The following VWA3B variants were observed in gnomAD, a reference collection of about 807,000 sequenced individuals.
VWA3B encodes von Willebrand factor A domain containing 3B.
Under a neutral mutation model 158.3 loss-of-function variants are expected in VWA3B, and 138 were observed. The observed-to-expected ratio is 0.87, with a 90% CI of 0.76 to 1.00. The LOEUF is 1.00. VWA3B is among the 50% of genes least tolerant of loss of function. VWA3B has a pLI of 0.00. For synonymous variants in VWA3B, 596 were observed against 587.3 expected, an observed-to-expected ratio of 1.01 and a Z score of -0.21; for missense variants, 1,555 against 1,565.1, an observed-to-expected ratio of 0.99 and a Z score of 0.11.
intron 10 of VWA3B, among the ~76,000 whole-genome samples, chr2:98,190,684 T>C (rs549612365): frequency 6.6e-6 from 1 of 152,344 alleles, no homozygotes; most frequent in Admixed American, 6.5e-5. Context: ...TCCTTCTCCA[T>C]TGTCTCCTGG....
At chr2:98,328,317 C>T in the VWA3B span, among the ~76,000 whole-genome samples, 2 of 152,162 alleles carry the variant, frequency 1.3e-5, no homozygotes, top group Admixed American at 6.5e-5. Flanking sequence ...ACTGTGACCA[C>T]TTCTGTTAAA....
At chr2:98,241,817 C>T (rs1686092117) in intron 19 of VWA3B, among the ~76,000 whole-genome samples, 1 of 152,046 alleles carries the variant, frequency 6.6e-6, no homozygotes, top group Non-Finnish European at 1.5e-5. Flanking sequence ...AGCACACTTG[C>T]CCTCCCTTAT....
At chr2:98,276,536 A>G (rs1255404498) in intron 22 of VWA3B, among the ~76,000 whole-genome samples, 5 of 152,248 alleles carry the variant, frequency 3.3e-5, no homozygotes, top group Non-Finnish European at 5.9e-5. Flanking sequence ...CTGACTGATA[A>G]CAAGCAGCAA....
At chr2:98,166,512 C>T (rs771807029) in intron 8 of VWA3B, among the ~76,000 whole-genome samples, 5 of 152,080 alleles carry the variant, frequency 3.3e-5, no homozygotes, top group Admixed American at 6.6e-5. Context: ...AGAAGGTGGC[C>T]GTCTCCTAGC....
chr2:98,228,693 G>A (rs917437083), intron 15 of VWA3B, among the ~76,000 whole-genome samples: 1 of 152,106 alleles, frequency 6.6e-6, no homozygotes, highest in African/African-American at 2.4e-5. Flanking sequence ...GGCGAGGCCC[G>A]AACTTCTCTC....
chr2:98,201,845 G>C (rs1322844524), intron 12 of VWA3B, among the ~76,000 whole-genome samples: 1 of 152,096 alleles, frequency 6.6e-6, no homozygotes, highest in African/African-American at 2.4e-5. Flanking sequence ...TATTAAATTG[G>C]CTTTGCATTC....
At chr2:98,139,910 C>T (rs1199815085) in intron 7 of VWA3B, among the ~76,000 whole-genome samples, 25 of 152,188 alleles carry the variant, frequency 1.6e-4, no homozygotes, top group South Asian at 2.1e-4. Context: ...CTACTGCTCA[C>T]TCTTTGGGTC....
chr2:98,314,201 G>A (rs538131986), downstream of VWA3B, among the ~76,000 whole-genome samples: 115 of 152,324 alleles, frequency 7.5e-4, 1 homozygote, highest in African/African-American at 2.7e-3. Flanking sequence ...GAATTCTGAG[G>A]ACACCAAGGT....
At chr2:98,116,859 A>C (rs1334735826) in intron 3 of VWA3B, among the ~76,000 whole-genome samples, 1 of 152,156 alleles carries the variant, frequency 6.6e-6, no homozygotes, top group African/African-American at 2.4e-5. Context: ...ACATTGATTC[A>C]AAGGAGTGAT....
chr2:98,257,279 TA>T (rs982508230), intron 21 of VWA3B, among the ~76,000 whole-genome samples: 4 of 152,084 alleles, frequency 2.6e-5, no homozygotes, highest in Non-Finnish European at 5.9e-5. Context: ...CAAATGATAT[TA>T]AGTTGCTGCA....
chr2:98,092,839 TATATATATATATATATATATAG>T (rs1303759803), intron 1 of VWA3B, among the ~76,000 whole-genome samples, 200 bp from the exon 2 acceptor site: 1 of 126,754 alleles, frequency 7.9e-6, no homozygotes, highest in Admixed American at 7.6e-5. Flanking sequence ...TATATATATA[TATATATATATATATATATATAG>T]TTGAATATTG....
chr2:98,289,567 A>G (rs1389757888), intron 22 of VWA3B, among the ~76,000 whole-genome samples: 1 of 152,258 alleles, frequency 6.6e-6, no homozygotes, highest in African/African-American at 2.4e-5. Flanking sequence ...TTATTAGCCA[A>G]TTCAGCCCAT....
chr2:98,309,061 A>T (rs947857457), intron 26 of VWA3B, among the ~76,000 whole-genome samples: 5 of 151,278 alleles, frequency 3.3e-5, no homozygotes, highest in African/African-American at 1.2e-4. Flanking sequence ...AATCCCAGCT[A>T]CTCGGGAGGC....
chr2:98,227,182 G>A (rs1684979726), intron 14 of VWA3B, among the ~76,000 whole-genome samples: 1 of 152,170 alleles, frequency 6.6e-6, no homozygotes, highest in South Asian at 2.1e-4. Context: ...CAGCTGATAA[G>A]CAACTTTAGC....
rs182628159 is a variant in VWA3B, at chr2:98,300,135, C to G, written c.3339C>G (p.Val1113=). ...IVIPKGFDFY[V]PAIVIALPNK... is the part of the protein sequence containing the mutation. ...TACCCAAAGGATTTGACTTCTATGT[C>G]CCTGCCATTGTCATAGCACTTCCCA... The change falls in exon 25 of 28, where the codon GTC becomes GTG. Residue 1113 remains valine (V), a synonymous_variant. Transcript: ENST00000477737. 2.0e-4 allele frequency: 316 copies of G among 1,614,220 alleles called. No individual in the cohort carries two copies. In the African/African-American group the frequency reaches 3.8e-3, roughly 19 times the overall value.
At chr2:98,114,431 C>T in intron 2 of VWA3B, among the ~76,000 whole-genome samples, 1 of 152,196 alleles carries the variant, frequency 6.6e-6, no homozygotes, top group African/African-American at 2.4e-5. Flanking sequence ...CCATTCTTTA[C>T]TCTTTACTAT....
intron 7 of VWA3B, among the ~76,000 whole-genome samples, chr2:98,150,462 A>G (rs1033692079): frequency 1.3e-5 from 2 of 152,232 alleles, no homozygotes; most frequent in Admixed American, 1.3e-4. Context: ...AAGGCAGAGG[A>G]CAGGAAGCAG....
At chr2:98,139,873 T>C (rs1274431065) in intron 7 of VWA3B, among the ~76,000 whole-genome samples, 4 of 152,164 alleles carry the variant, frequency 2.6e-5, no homozygotes, top group African/African-American at 9.7e-5. Context: ...GGAAGCTTTG[T>C]TCTTTCGCTC....
At chr2:98,221,017 A>T (rs1684454247) in intron 14 of VWA3B, among the ~76,000 whole-genome samples, 1 of 152,120 alleles carries the variant, frequency 6.6e-6, no homozygotes, top group African/African-American at 2.4e-5. Context: ...TAGCTAATGC[A>T]TGTGGGGCTT....
Sources: gnomAD v4.1 joint callset for allele counts (sites outside exome capture counted in the v4.1 genomes callset) on GRCh38, gnomAD v4.1.1 for gene constraint, MANE v1.5 for transcripts, NCBI Gene and HGNC (gene_info 2026-07-23, HGNC 2026-07-21) for gene names.